Variants in ACOXL observed in about 807,000 individuals in gnomAD.
The protein encoded by ACOXL is acyl-coenzyme A oxidase-like protein.
Under a neutral mutation model 71.9 loss-of-function variants are expected in ACOXL, and 70 were observed. The observed-to-expected ratio is 0.97, with a 90% CI of 0.80 to 1.19. The LOEUF (loss-of-function observed/expected upper bound fraction) is 1.19. Among genes scored for constraint, ACOXL ranks in the 50% most tolerant of loss-of-function variants. The pLI is 0.00. For missense variants in ACOXL, 703 were observed against 736.3 expected (o/e 0.95, Z 0.52); for synonymous variants, 253 against 281.6 (o/e 0.90, Z 1.02).
intron 12 of ACOXL, among the ~76,000 whole-genome samples, chr2:110,981,135 G>A (rs2062690285): frequency 6.6e-6 from 1 of 152,212 alleles, no homozygotes; most frequent in South Asian, 2.1e-4. Context: ...GGCTGAGGCG[G>A]GTGGATCACT....
chr2:111,107,198 C>T (rs2069601345), intron 17 of ACOXL, among the ~76,000 whole-genome samples: 2 of 152,108 alleles, frequency 1.3e-5, no homozygotes, highest in Admixed American at 6.5e-5. Context: ...TTTTTGTGTA[C>T]GTCTGTTGGT....
At chr2:110,810,420 C>T (rs554950400) in intron 9 of ACOXL, among the ~76,000 whole-genome samples, 7 of 152,180 alleles carry the variant, frequency 4.6e-5, no homozygotes, top group African/African-American at 1.7e-4. Flanking sequence ...ACTCTTCTAA[C>T]CTTCCTTCCA....
intron 12 of ACOXL, among the ~76,000 whole-genome samples, chr2:110,983,884 C>G (rs1180081543): frequency 1.3e-5 from 2 of 152,118 alleles, no homozygotes; most frequent in African/African-American, 4.8e-5. Context: ...GAGTCTCACT[C>G]TGTCGCCCAG....
At chr2:110,850,291 T>C (rs796866053) in intron 10 of ACOXL, among the ~76,000 whole-genome samples, 17 of 152,296 alleles carry the variant, frequency 1.1e-4, no homozygotes, top group African/African-American at 4.1e-4. Context: ...CAGCTGCTCT[T>C]TGAAAAACAC....
chr2:110,984,434 G>A (rs1435710362), intron 12 of ACOXL, among the ~76,000 whole-genome samples: 1 of 152,050 alleles, frequency 6.6e-6, no homozygotes, highest in African/African-American at 2.4e-5. Context: ...AGTCTGTAAT[G>A]CCCAAATCCC....
chr2:110,871,051 T>A (rs997460707), intron 10 of ACOXL, among the ~76,000 whole-genome samples: 2 of 152,224 alleles, frequency 1.3e-5, no homozygotes, highest in African/African-American at 4.8e-5. Flanking sequence ...CCTTATTACC[T>A]ACTTTTCAGA....
intron 17 of ACOXL, among the ~76,000 whole-genome samples, chr2:111,116,009 C>T (rs2070329031): frequency 6.6e-6 from 1 of 152,172 alleles, no homozygotes; most frequent in Non-Finnish European, 1.5e-5. Context: ...TACACTCATT[C>T]AAATCATTGT....
At chr2:110,908,713 C>T in intron 10 of ACOXL, 76 bp from the exon 11 acceptor site, 2 of 1,156,422 alleles carry the variant, frequency 1.7e-6, no homozygotes, top group Non-Finnish European at 2.6e-6. Flanking sequence ...GGCTAGCCAG[C>T]ATTTTTAGCT....
intron 1 of ACOXL, among the ~76,000 whole-genome samples, chr2:110,766,291 T>G (rs1681056207): frequency 6.6e-6 from 1 of 152,268 alleles, no homozygotes; most frequent in African/African-American, 2.4e-5. Flanking sequence ...TATTTTATTA[T>G]GTTGCTCAAG....
intron 6 of ACOXL, 64 bp downstream of exon 6, chr2:110,798,788 C>G (rs1685591781): frequency 6.9e-7 from 1 of 1,454,356 alleles, no homozygotes; most frequent in African/African-American, 1.4e-5. Flanking sequence ...CAGTGAAAAA[C>G]CATTTCACAG....
chr2:110,831,027 T>G (rs1689766827), intron 9 of ACOXL, among the ~76,000 whole-genome samples: 1 of 152,178 alleles, frequency 6.6e-6, no homozygotes, highest in African/African-American at 2.4e-5. Flanking sequence ...CAGGTAACAT[T>G]ATATTTAAAG....
intron 17 of ACOXL, among the ~76,000 whole-genome samples, chr2:111,104,373 C>T (rs959095481): frequency 1.3e-5 from 2 of 152,136 alleles, no homozygotes; most frequent in Non-Finnish European, 1.5e-5. Flanking sequence ...ATTGCTGGGT[C>T]GCACGGTAGG....
chr2:110,815,956 C>G (rs1687856611), intron 9 of ACOXL, among the ~76,000 whole-genome samples: 1 of 152,008 alleles, frequency 6.6e-6, no homozygotes, highest in Non-Finnish European at 1.5e-5. Flanking sequence ...AGTAAGCACT[C>G]AGTGAATGGA....
chr2:110,752,023 CTTTTTTT>C (rs60152579), intron 1 of ACOXL, among the ~76,000 whole-genome samples: 1 of 141,834 alleles, frequency 7.1e-6, no homozygotes. Flanking sequence ...CTTTCTTCTT[CTTTTTTT>C]TTTTTTTTTC....
At chr2:110,887,048 G>C in intron 10 of ACOXL, 1 of 597,522 alleles carries the variant, frequency 1.7e-6, no homozygotes. Flanking sequence ...GGCGTCCACG[G>C]GTCTGCTGTG....
chr2:111,037,772 C>T (rs2065588832), intron 15 of ACOXL, among the ~76,000 whole-genome samples: 1 of 152,158 alleles, frequency 6.6e-6, no homozygotes, highest in South Asian at 2.1e-4. Context: ...CCAGTTAACC[C>T]TACAGCTTTC....
intron 2 of ACOXL, among the ~76,000 whole-genome samples, chr2:110,780,439 T>A (rs1411432372): frequency 6.6e-6 from 1 of 152,158 alleles, no homozygotes; most frequent in Admixed American, 6.5e-5. Context: ...GTTGCATTCC[T>A]AAGGATTTAC....
At chr2:111,109,818 A>G (rs2069821899) in intron 17 of ACOXL, among the ~76,000 whole-genome samples, 1 of 151,576 alleles carries the variant, frequency 6.6e-6, no homozygotes, top group Non-Finnish European at 1.5e-5. Flanking sequence ...AGCTGGGATT[A>G]CAGACATGCA....
intron 14 of ACOXL, among the ~76,000 whole-genome samples, chr2:111,030,617 T>C (rs961865977): frequency 6.6e-6 from 1 of 152,032 alleles, no homozygotes; most frequent in African/African-American, 2.4e-5. Context: ...ACCGCAGAGC[T>C]GCAGGGAAGC....
Sources: gnomAD v4.1 joint callset for allele counts (sites outside exome capture counted in the v4.1 genomes callset) on GRCh38, gnomAD v4.1.1 for gene constraint, MANE v1.5 for transcripts, NCBI Gene and HGNC (gene_info 2026-07-23, HGNC 2026-07-21) for gene names.